The following FBXL7 variants were observed in gnomAD, a reference collection of about 807,000 sequenced individuals.
The protein encoded by FBXL7 is F-box and leucine rich repeat protein 7.
Under a neutral mutation model 38.3 loss-of-function variants are expected in FBXL7, and 12 were observed. That is an observed-to-expected ratio of 0.31 (90% CI 0.20 to 0.51). The LOEUF (loss-of-function observed/expected upper bound fraction) is 0.51. Among genes scored for constraint, FBXL7 ranks in the 20% least tolerant of loss-of-function variants. FBXL7 has a pLI of 0.98. For missense variants in FBXL7, 567 were observed against 676.4 expected (o/e 0.84, Z 1.79); for synonymous variants, 297 against 300.9 (o/e 0.99, Z 0.13).
chr5:15,654,330 A>T (rs1283357204), intron 2 of FBXL7, among the ~76,000 whole-genome samples: 1 of 151,402 alleles, frequency 6.6e-6, no homozygotes, highest in African/African-American at 2.4e-5. Flanking sequence ...GAAAGAAGCC[A>T]GGGAATGCAT....
At chr5:15,715,533 C>T (rs943470342) in intron 2 of FBXL7, among the ~76,000 whole-genome samples, 1 of 151,080 alleles carries the variant, frequency 6.6e-6, no homozygotes, top group Non-Finnish European at 1.5e-5. Flanking sequence ...AGGGTTGGCA[C>T]CCCTTTCTGT....
intron 1 of FBXL7, among the ~76,000 whole-genome samples, chr5:15,503,706 C>T (rs1736564191): frequency 6.6e-6 from 1 of 152,168 alleles, no homozygotes; most frequent in Non-Finnish European, 1.5e-5. Context: ...GTTCGTTGCT[C>T]AATTAAATTC....
chr5:15,704,296 A>G (rs1157940362), intron 2 of FBXL7, among the ~76,000 whole-genome samples: 1 of 152,210 alleles, frequency 6.6e-6, no homozygotes, highest in Non-Finnish European at 1.5e-5. Context: ...AGAAATTGCC[A>G]CAAAGACCTC....
chr5:15,709,585 C>CAGACAGA lies in FBXL7; in HGVS notation c.127+93515_127+93521dup, dbSNP rs531194248. 2.5e-4 allele frequency among the ~76,000 whole-genome samples: 36 copies of CAGACAGA among 142,634 alleles called. 1 individual carries two copies. In the South Asian group the frequency reaches 7.9e-3, roughly 31 times the overall value. 93.6% of individuals were successfully genotyped at this position (142,634 alleles called of 152,430 possible). A position where few individuals can be genotyped will look rare whatever the true frequency, so the allele number is the denominator to read the frequency against. ...AATCCTGTTTGCCCACCTTCAAATA[C>CAGACAGA]AGACAGAATCAGGCCACTTTTTATT... is the stretch of plus-strand genomic sequence containing the variant. On this transcript the variant is annotated intron_variant, in intron 2 of 3. Transcript: ENST00000504595.
intron 2 of FBXL7, among the ~76,000 whole-genome samples, chr5:15,785,647 A>G (rs2126725713): frequency 6.6e-6 from 1 of 152,314 alleles, no homozygotes; most frequent in Admixed American, 6.5e-5. Flanking sequence ...TAAAAGTCAC[A>G]TGTGTGATGT....
At chr5:15,758,434 C>T (rs762296675) in intron 2 of FBXL7, among the ~76,000 whole-genome samples, 6 of 151,788 alleles carry the variant, frequency 4.0e-5, no homozygotes, top group African/African-American at 9.7e-5. Context: ...ACCATAATAC[C>T]AGGTAGGAAC....
At chr5:15,579,101 T>C (rs1363112088) in intron 1 of FBXL7, among the ~76,000 whole-genome samples, 4 of 152,200 alleles carry the variant, frequency 2.6e-5, no homozygotes, top group African/African-American at 9.7e-5. Flanking sequence ...TCTCTTGGAC[T>C]CAGTGCCTTT....
chr5:15,541,540 C>A (rs1376646548), intron 1 of FBXL7, among the ~76,000 whole-genome samples: 1 of 133,326 alleles, frequency 7.5e-6, no homozygotes, highest in Non-Finnish European at 1.6e-5. Context: ...CCCACTCACT[C>A]CTCTTTTTTT....
intron 2 of FBXL7, among the ~76,000 whole-genome samples, chr5:15,625,392 ACCTGTAATCC>A (rs1740777972): frequency 6.6e-6 from 1 of 152,156 alleles, no homozygotes; most frequent in Non-Finnish European, 1.5e-5. Context: ...GGTGGGTCAC[ACCTGTAATCC>A]CAGCAATTTG....
At chr5:15,750,216 T>C (rs1297822404) in intron 2 of FBXL7, among the ~76,000 whole-genome samples, 3 of 152,252 alleles carry the variant, frequency 2.0e-5, no homozygotes, top group African/African-American at 7.2e-5. Context: ...GCTTGCATTT[T>C]TAAAGTTGAT....
At chr5:15,750,982 A>T (rs1736140323) in intron 2 of FBXL7, among the ~76,000 whole-genome samples, 1 of 152,210 alleles carries the variant, frequency 6.6e-6, no homozygotes. Context: ...GAATCCAGTC[A>T]TTCCTATTCT....
At chr5:15,659,944 T>G (rs1742002113) in intron 2 of FBXL7, among the ~76,000 whole-genome samples, 1 of 152,228 alleles carries the variant, frequency 6.6e-6, no homozygotes. Flanking sequence ...AGATATTTCT[T>G]TATCGTTTAC....
chr5:15,683,277 T>C (rs1256337555), intron 2 of FBXL7, among the ~76,000 whole-genome samples: 2 of 152,200 alleles, frequency 1.3e-5, no homozygotes, highest in African/African-American at 4.8e-5. Flanking sequence ...TTTAAAATGT[T>C]GTGAGTATAT....
In FBXL7 at chr5:15,528,373, G is replaced by C. The variant is rs545117069; in HGVS notation, c.37+27660G>C. On this transcript the variant is annotated intron_variant, in intron 1 of 3. Transcript: ENST00000504595. ...GACTTCTTACCTTTCCTCACATCTTGGTTCTCACATTCTGTATTGGTCCAT... is the reference window on the plus strand; with the variant it reads ...GACTTCTTACCTTTCCTCACATCTTCGTTCTCACATTCTGTATTGGTCCAT... Among the ~76,000 whole-genome samples, 5 of 152,142 alleles carry C rather than the reference G, an allele frequency of 3.3e-5. No individual in the cohort carries two copies. The South Asian group carries it at 8.3e-4, about 25-fold the overall frequency.
chr5:15,671,609 C>T (rs181477525), intron 2 of FBXL7, among the ~76,000 whole-genome samples: 144 of 152,354 alleles, frequency 9.5e-4, no homozygotes, highest in African/African-American at 3.0e-3. Context: ...TGAGATGAAA[C>T]TAATTCCTCT....
At chr5:15,843,610 A>G (rs1579511831) in intron 2 of FBXL7, among the ~76,000 whole-genome samples, 1 of 152,208 alleles carries the variant, frequency 6.6e-6, no homozygotes, top group Non-Finnish European at 1.5e-5. Context: ...TCAAATTGCA[A>G]TATCTGATGA....
chr5:15,761,954 G>T (rs1002092591), intron 2 of FBXL7, among the ~76,000 whole-genome samples: 3 of 152,146 alleles, frequency 2.0e-5, no homozygotes, highest in Non-Finnish European at 4.4e-5. Context: ...CAATTGCTGT[G>T]TAACAAATAA....
At chr5:15,934,050 G>T (rs564800334) in intron 3 of FBXL7, among the ~76,000 whole-genome samples, 12 of 152,246 alleles carry the variant, frequency 7.9e-5, no homozygotes, top group African/African-American at 2.9e-4. Flanking sequence ...TGTCACCTAG[G>T]CTGGAGTGCA....
At chr5:15,557,569 T>G (rs1037791829) in intron 1 of FBXL7, among the ~76,000 whole-genome samples, 35 of 152,210 alleles carry the variant, frequency 2.3e-4, no homozygotes, top group African/African-American at 8.2e-4. Flanking sequence ...AGAGCCTTAT[T>G]TTACTTGATA....
Sources: gnomAD v4.1 joint callset for allele counts (sites outside exome capture counted in the v4.1 genomes callset) on GRCh38, gnomAD v4.1.1 for gene constraint, MANE v1.5 for transcripts, NCBI Gene and HGNC (gene_info 2026-07-23, HGNC 2026-07-21) for gene names.